RAB38: variants seen among roughly 807,000 people sequenced by gnomAD.
RAB38 encodes the protein RAB38, member RAS oncogene family, also known as ras-related protein Rab-38.
A neutral mutation model predicts 18.4 loss-of-function variants in RAB38; 15 were observed. The observed-to-expected ratio is 0.82, with a 90% CI of 0.55 to 1.26. The LOEUF (loss-of-function observed/expected upper bound fraction) is 1.26. Ranked by LOEUF, RAB38 falls within the 50% of genes most tolerant of loss-of-function variation. The probability of loss-of-function intolerance (pLI) is 0.00; values close to 1 mark genes in which losing one functional copy is unlikely to be tolerated. For synonymous variants in RAB38, 101 were observed against 104.4 expected (o/e 0.97, Z 0.20); for missense variants, 294 against 267.4 (o/e 1.10, Z -0.69).
chr11:87,816,260 G>A, the RAB38 span: 6 of 152,346 alleles, frequency 3.9e-5, no homozygotes, highest in East Asian at 3.9e-4. Context: ...TATTCTTTTC[G>A]TTATAAGGTT....
the RAB38 span, among the ~76,000 whole-genome samples, chr11:87,916,640 C>T: frequency 2.0e-5 from 3 of 152,094 alleles, no homozygotes; most frequent in South Asian, 2.1e-4. Flanking sequence ...TACCCAGTCT[C>T]AAGTATTCTG....
At chr11:88,022,570 A>G in the RAB38 span, among the ~76,000 whole-genome samples, 1 of 142,922 alleles carries the variant, frequency 7.0e-6, no homozygotes, top group Non-Finnish European at 1.5e-5. Flanking sequence ...TCTTATTTGC[A>G]GATGACATGA....
chr11:87,868,578 GGAGAGAGAGAGAGAGAGAGAGAGA>G, the RAB38 span, among the ~76,000 whole-genome samples: 2 of 59,190 alleles, frequency 3.4e-5, no homozygotes, highest in African/African-American at 1.2e-4. Flanking sequence ...AAGGAGTGAG[GGAGAGAGAGAGAGAGAGAGAGAGA>G]GAGAGAGAGA....
At chr11:87,953,750 C>T in the RAB38 span, among the ~76,000 whole-genome samples, 1 of 151,970 alleles carries the variant, frequency 6.6e-6, no homozygotes, top group Non-Finnish European at 1.5e-5. Context: ...TAAGGGGAAA[C>T]TACTGTAAAT....
At chr11:87,946,662 T>C in the RAB38 span, among the ~76,000 whole-genome samples, 4 of 152,106 alleles carry the variant, frequency 2.6e-5, no homozygotes, top group African/African-American at 9.7e-5. Flanking sequence ...GTCCTTGCAA[T>C]AGTTTGCTGA....
chr11:88,169,663 C>A (rs376703974), intron 1 of RAB38, among the ~76,000 whole-genome samples: 1 of 152,184 alleles, frequency 6.6e-6, no homozygotes, highest in Admixed American at 6.5e-5. Context: ...GCAGCCCTGA[C>A]GCACTCACAG....
chr11:87,976,742 T>C, the RAB38 span, among the ~76,000 whole-genome samples: 1 of 116,660 alleles, frequency 8.6e-6, no homozygotes, highest in African/African-American at 3.6e-5. Flanking sequence ...TAATATATAT[T>C]TATATATTTA....
the RAB38 span, among the ~76,000 whole-genome samples, chr11:87,908,255 C>A: frequency 6.6e-6 from 1 of 151,928 alleles, no homozygotes; most frequent in Non-Finnish European, 1.5e-5. Flanking sequence ...AGCAGACCTA[C>A]AAGCCTAGAG....
At chr11:88,058,831 T>C in the RAB38 span, among the ~76,000 whole-genome samples, 1 of 152,222 alleles carries the variant, frequency 6.6e-6, no homozygotes, top group Non-Finnish European at 1.5e-5. Context: ...CTTTTTCTTT[T>C]GCACATCAAG....
the RAB38 span, among the ~76,000 whole-genome samples, chr11:87,881,316 TAAAA>T: frequency 6.6e-6 from 1 of 151,888 alleles, no homozygotes; most frequent in African/African-American, 2.4e-5. Flanking sequence ...GTTATTAACT[TAAAA>T]GAAAGATTCT....
rs188509740 is a variant in RAB38 at position 88,130,132 on chromosome 11, T to G, written c.484-15992A>C. 4.6e-3 allele frequency among the ~76,000 whole-genome samples: 703 copies of G among 152,012 alleles called. 1 individual carries two copies. The highest frequency in any genetic ancestry group is 6.1e-3 in the Non-Finnish European group (417 of 67,970). ...CACAGATGGGAAACAGTCCATAAAA[T>G]TGAGTGTGGAAAAAAAATAAGGACA... is the stretch of plus-strand genomic sequence containing the variant. On this transcript the variant is annotated intron_variant, in intron 2 of 2. Coordinates refer to ENST00000243662, the MANE Select transcript of RAB38 (RefSeq NM_022337.3).
the RAB38 span, among the ~76,000 whole-genome samples, chr11:88,090,953 A>G: frequency 1.1e-4 from 16 of 151,962 alleles, no homozygotes; most frequent in African/African-American, 3.9e-4. Context: ...GCCTTAAACA[A>G]TTGCCCAAAT....
the RAB38 span, among the ~76,000 whole-genome samples, chr11:88,017,538 T>A: frequency 4.6e-5 from 7 of 151,466 alleles, no homozygotes; most frequent in African/African-American, 1.7e-4. Flanking sequence ...TATTATGCTA[T>A]GATTCATATT....
chr11:88,099,029 A>G, the RAB38 span, among the ~76,000 whole-genome samples: 2 of 151,946 alleles, frequency 1.3e-5, no homozygotes, highest in Non-Finnish European at 2.9e-5. Flanking sequence ...TTTTAACTGG[A>G]CATAGAGTGG....
chr11:88,006,798 G>T, the RAB38 span, among the ~76,000 whole-genome samples: 2 of 151,322 alleles, frequency 1.3e-5, no homozygotes, highest in African/African-American at 2.4e-5. Context: ...AATCTAAGAA[G>T]TTGTCCTCAC....
At chr11:87,880,116 C>A in the RAB38 span, 3 of 151,706 alleles carry the variant, frequency 2.0e-5, no homozygotes, top group African/African-American at 7.2e-5. Flanking sequence ...TGCTTCCTAT[C>A]CGTATTTTCT....
At chr11:87,874,566 T>C in the RAB38 span, among the ~76,000 whole-genome samples, 1 of 151,092 alleles carries the variant, frequency 6.6e-6, no homozygotes, top group Non-Finnish European at 1.5e-5. Flanking sequence ...AGTTAATGGG[T>C]GCAGCACACC....
chr11:88,100,340 G>A, the RAB38 span, among the ~76,000 whole-genome samples: 1 of 151,898 alleles, frequency 6.6e-6, no homozygotes, highest in African/African-American at 2.4e-5. Context: ...CCGTTTTAAG[G>A]GAGCCTAGCT....
At chr11:88,137,596 C>A (rs1440379422) in intron 2 of RAB38, among the ~76,000 whole-genome samples, 1 of 151,952 alleles carries the variant, frequency 6.6e-6, no homozygotes, top group Non-Finnish European at 1.5e-5. Flanking sequence ...CAGGTTACAC[C>A]AAACTAGGAG....
Sources: gnomAD v4.1 joint callset for allele counts (sites outside exome capture counted in the v4.1 genomes callset) on GRCh38, gnomAD v4.1.1 for gene constraint, MANE v1.5 for transcripts, NCBI Gene and HGNC (gene_info 2026-07-23, HGNC 2026-07-21) for gene names.